PRR14L: variants seen among roughly 807,000 people sequenced by gnomAD.
PRR14L encodes proline rich 14 like, also known as protein PRR14L.
PRR14L carries 80 observed loss-of-function variants against 155.0 expected under a neutral mutation model. The ratio of observed to expected loss-of-function variants is 0.52; its 90% CI spans 0.43 to 0.62. The LOEUF (loss-of-function observed/expected upper bound fraction) is 0.62. Ranked by LOEUF, PRR14L falls within the 20% of genes least tolerant of loss-of-function variation. The pLI is 0.00. For missense variants in PRR14L, 2,469 were observed against 2,548.0 expected (o/e 0.97, Z 0.67); for synonymous variants, 883 against 916.0 (o/e 0.96, Z 0.65).
intron 1 of PRR14L, among the ~76,000 whole-genome samples, chr22:31,749,338 G>A (rs1807878829): frequency 6.6e-6 from 1 of 152,118 alleles, no homozygotes; most frequent in African/African-American, 2.4e-5. Context: ...GAGAAGCGAG[G>A]GTCTCTCTGT....
At position 31,712,983 on chromosome 22, in the gene PRR14L, A is replaced by G. The variant is rs929434054; in HGVS notation, c.4856T>C (p.Leu1619Pro). 7 of 1,551,736 alleles carry G rather than the reference A, an allele frequency of 4.5e-6. No individual in the cohort carries two copies. In the Admixed American group the frequency reaches 5.9e-5, roughly 13 times the overall value. ...GGCCAGTTTGGAGGCAAGGATGGAC[A>G]GCTTGTTTAGTAAGGCTGATTCTTT... ...TTKESALLNKLSILASKLAPA... is the reference protein window; with the variant it reads ...TTKESALLNKPSILASKLAPA... Residue 1619 changes from leucine (L) to proline (P), a missense_variant, in exon 4 of 9, where the codon CTG (leucine) becomes CCG (proline). This residue lies in a region of PRR14L where 2,363 missense variants were observed against 2,371.6 expected (regional missense o/e 1.00). Coordinates refer to ENST00000327423, the MANE Select transcript of PRR14L (RefSeq NM_173566.3).
Position 31,712,411 on chromosome 22 carries a change from G to A in PRR14L, c.5428C>T (p.Gln1810Ter), listed in dbSNP as rs925542314. ...LQDYGGTAIV[Q>*]TRADCSVLGL... ...AGGACAGAGCAGTCTGCTCTGGTCT[G>A]GACTATGGCAGTGCCTCCATAGTCT... The change falls in exon 4 of 9, where the codon CAG becomes TAG. Residue 1810 changes from glutamine (Q) to a stop codon, truncating the protein, a stop_gained. Transcript: ENST00000327423. LOFTEE classifies it high-confidence loss of function. 1.3e-6 allele frequency: 2 copies of A among 1,583,426 alleles called. No individual in the cohort carries two copies. Among genetic ancestry groups the A allele is most frequent in the African/African-American group, 2.7e-5 (2 of 74,148 alleles).
At chr22:31,725,291 A>G (rs548958451) in intron 3 of PRR14L, among the ~76,000 whole-genome samples, 1 of 152,246 alleles carries the variant, frequency 6.6e-6, no homozygotes, top group East Asian at 1.9e-4. Flanking sequence ...CTGTAGTCCC[A>G]GCTACTTGGG....
Position 31,713,555 on chromosome 22 carries a change from T to C in PRR14L, c.4284A>G (p.Ala1428=). Residue 1428 remains alanine, a synonymous_variant, in exon 4 of 9, where the codon GCA becomes GCG. Transcript: ENST00000327423. ...CAGCCTTCGGTTGGTTCTGATTTTG[T>C]GCATCATCTAACAACAGACTAGATG... ...CISSSLLLDD[A]QNQNQPKADK... 1.3e-6 allele frequency: 2 copies of C among 1,552,200 alleles called. No individual in the cohort carries two copies. The highest frequency in any genetic ancestry group is 1.7e-6 in the Non-Finnish European group (2 of 1,147,096).
At position 31,716,110 on chromosome 22, in the gene PRR14L, G is replaced by A; in HGVS notation, c.1729C>T (p.Pro577Ser). ...CTTACAGGACTTATTTGATCCTCTG[G>A]CATTAAACTCACAATGGATTTTCTT... is the stretch of plus-strand genomic sequence containing the variant. ...FERKSIVSLM[P>S]EDQISPVSEV... The change falls in exon 4 of 9, where the codon CCA becomes TCA. Residue 577 changes from proline to serine, a missense_variant. This residue lies in a region of PRR14L where 2,363 missense variants were observed against 2,371.6 expected (regional missense o/e 1.00). Transcript: ENST00000327423. The A allele has an allele frequency of 6.4e-7, 1 of 1,550,946 alleles. No homozygotes were observed. Among genetic ancestry groups the A allele is most frequent in the Non-Finnish European group, 8.7e-7 (1 of 1,146,736 alleles).
chr22:31,685,939 T>C, intron 8 of PRR14L, 136 bp from the exon 9 acceptor site: 1 of 795,822 alleles, frequency 1.3e-6, no homozygotes, highest in Non-Finnish European at 2.0e-6. Context: ...CCAACTCTTT[T>C]TCTTTTTTTT....
Position 31,713,507 on chromosome 22 carries a change from G to A in PRR14L, c.4332C>T (p.Ile1444=). The part of the protein sequence containing the change: ...PKADKDESTM[I]NEITLAKLAK... ...CCAGCTTTGCTAGGGTGATTTCATT[G>A]ATCATGGTGGACTCATCTTTGTCAG... The change falls in exon 4 of 9, where the codon ATC becomes ATT. Residue 1444 remains isoleucine, a synonymous_variant. Transcript: ENST00000327423. 6.4e-7 allele frequency: 1 copy of A among 1,552,034 alleles called. No individual in the cohort carries two copies. Among genetic ancestry groups the A allele is most frequent in the Non-Finnish European group, 8.7e-7 (1 of 1,147,066 alleles).
At chr22:31,705,496 C>T (rs2074585918) in intron 4 of PRR14L, among the ~76,000 whole-genome samples, 1 of 151,988 alleles carries the variant, frequency 6.6e-6, no homozygotes, top group Non-Finnish European at 1.5e-5. Context: ...GCCTCAGCCT[C>T]CCAAGTAGCT....
intron 8 of PRR14L, among the ~76,000 whole-genome samples, chr22:31,686,107 T>C (rs1221622452): frequency 6.6e-6 from 1 of 151,358 alleles, no homozygotes; most frequent in Non-Finnish European, 1.5e-5. Flanking sequence ...GTTAATTTTT[T>C]TTTTTTTTTA....
intron 8 of PRR14L, among the ~76,000 whole-genome samples, chr22:31,687,758 T>C (rs1216332881): frequency 6.6e-6 from 1 of 150,540 alleles, no homozygotes; most frequent in Non-Finnish European, 1.5e-5. Flanking sequence ...TAAAACCCAA[T>C]ATTGGCCGGG....
rs926202875 is a variant in PRR14L at position 31,716,127 on chromosome 22, G to A, written c.1712C>T (p.Ser571Phe). 37 of 1,551,136 alleles carry A rather than the reference G, an allele frequency of 2.4e-5. No homozygotes were observed. Among genetic ancestry groups the A allele is most frequent in the Non-Finnish European group, 3.1e-5 (36 of 1,146,802 alleles). The change falls in exon 4 of 9, where the codon TCC (serine) becomes TTC (phenylalanine). Residue 571 changes from serine (S) to phenylalanine (F), a missense_variant. Ser to Phe is a radical substitution (Grantham distance 155). Around this residue, in one of 2 missense-constraint regions of PRR14L, gnomAD observed 2,363 missense variants for 2,371.6 expected, o/e 1.00. Coordinates refer to ENST00000327423, the MANE Select transcript of PRR14L (RefSeq NM_173566.3). ...ATCCTCTGGCATTAAACTCACAATGGATTTTCTTTCAAACAGAAAATCATT... is the reference window on the plus strand; with the variant it reads ...ATCCTCTGGCATTAAACTCACAATGAATTTTCTTTCAAACAGAAAATCATT... ...SCNDFLFERKSIVSLMPEDQI... is the reference protein window; with the variant it reads ...SCNDFLFERKFIVSLMPEDQI...
intron 1 of PRR14L, among the ~76,000 whole-genome samples, chr22:31,748,076 G>A (rs2074849929): frequency 6.6e-6 from 1 of 151,632 alleles, no homozygotes; most frequent in African/African-American, 2.4e-5. Flanking sequence ...CATAGGGGCT[G>A]TTAATAACAC....
At chr22:31,701,470 T>G (rs1474336141) in intron 7 of PRR14L, among the ~76,000 whole-genome samples, 186 bp downstream of exon 7, 2 of 152,224 alleles carry the variant, frequency 1.3e-5, no homozygotes, top group African/African-American at 4.8e-5. Flanking sequence ...ACTAAGATTA[T>G]GTAGGCAATG....
Position 31,722,695 on chromosome 22 carries a change from T to G in PRR14L, c.547+2843A>C, listed in dbSNP as rs559375411. ...CCGCCACCATGCCTGGCTAATTTTGTTTTTTTTCTTGTATTTTTAGTAGCG... is the reference window on the plus strand; with the variant it reads ...CCGCCACCATGCCTGGCTAATTTTGGTTTTTTTCTTGTATTTTTAGTAGCG... On this transcript the variant is annotated intron_variant, in intron 3 of 8. Coordinates refer to ENST00000327423, the MANE Select transcript of PRR14L (RefSeq NM_173566.3). 1.4e-3 allele frequency among the ~76,000 whole-genome samples: 209 copies of G among 151,478 alleles called. 8 individuals are homozygous for G. In the South Asian group the frequency reaches 0.041, roughly 30 times the overall value.
chr22:31,713,966 C>A lies in PRR14L; in HGVS notation c.3873G>T (p.Trp1291Cys), dbSNP rs2074638971. The A allele has an allele frequency of 3.2e-6, 5 of 1,551,602 alleles. No homozygotes were observed. Among genetic ancestry groups the A allele is most frequent in the Non-Finnish European group, 4.4e-6 (5 of 1,146,970 alleles). ...CGCTGTCTCTGTCACTAGAATTACT[C>A]CAATCTCTTGATACTATTTCCTTCA... ...PEMKEIVSRD[W>C]SNSSDRDSVC... Residue 1291 changes from tryptophan to cysteine, a missense_variant, in exon 4 of 9, where the codon TGG (tryptophan) becomes TGT (cysteine). Transcript: ENST00000327423.
At chr22:31,736,249 G>A (rs1388774575) in intron 2 of PRR14L, among the ~76,000 whole-genome samples, 4 of 151,400 alleles carry the variant, frequency 2.6e-5, no homozygotes, top group Non-Finnish European at 5.9e-5. Flanking sequence ...AGCCGGGTGT[G>A]GAGGCACATG....
intron 1 of PRR14L, among the ~76,000 whole-genome samples, chr22:31,742,247 CCA>C (rs1290190908): frequency 2.6e-5 from 4 of 152,262 alleles, no homozygotes; most frequent in Admixed American, 2.6e-4. Context: ...ATCCTGCCTA[CCA>C]CAGAGATATG....
intron 7 of PRR14L, among the ~76,000 whole-genome samples, chr22:31,696,131 T>G (rs2074533906): frequency 6.7e-6 from 1 of 149,530 alleles, no homozygotes; most frequent in Non-Finnish European, 1.5e-5. Context: ...TTTCTATTTT[T>G]TCTTTATTAT....
rs1339586338 is a variant in PRR14L at position 31,717,030 on chromosome 22, T to A, written c.809A>T (p.Lys270Ile). The part of the protein sequence containing the change: ...PVLTEATPKE[K>I]ECEELKSCPW... ...ACAACTTTTTAATTCTTCACATTCT[T>A]TTTCTTTAGGAGTTGCTTCTGTTAA... The change falls in exon 4 of 9, where the codon AAA (lysine) becomes ATA (isoleucine). Residue 270 changes from lysine to isoleucine, a missense_variant. This residue lies in a region of PRR14L where 2,363 missense variants were observed against 2,371.6 expected (regional missense o/e 1.00). Coordinates refer to ENST00000327423, the MANE Select transcript of PRR14L (RefSeq NM_173566.3). The A allele has an allele frequency of 2.5e-5, 39 of 1,551,708 alleles. No homozygotes were observed. The highest frequency in any genetic ancestry group is 5.9e-5 in the Admixed American group (3 of 50,986).
Sources: gnomAD v4.1 joint callset for allele counts (sites outside exome capture counted in the v4.1 genomes callset) on GRCh38, gnomAD v4.1.1 for gene constraint, gnomAD v4.1.1 regional missense constraint, MANE v1.5 for transcripts, NCBI Gene and HGNC (gene_info 2026-07-23, HGNC 2026-07-21) for gene names.